The following OR11A1 variants were observed in gnomAD, a reference collection of about 807,000 sequenced individuals.
OR11A1 encodes the protein olfactory receptor family 11 subfamily A member 1.
For synonymous variants in OR11A1, 158 were observed against 152.2 expected (o/e 1.04, Z -0.28); for missense variants, 380 against 378.2 (o/e 1.00, Z -0.04).
chr6:29,443,004 A>C (rs1010205373), intron 1 of OR11A1, among the ~76,000 whole-genome samples: 2 of 152,234 alleles, frequency 1.3e-5, no homozygotes, highest in African/African-American at 4.8e-5. Flanking sequence ...ACATTGAGAA[A>C]GATTACAAGA....
At chr6:29,436,805 CA>C (rs1236314881) in intron 1 of OR11A1, among the ~76,000 whole-genome samples, 1 of 152,232 alleles carries the variant, frequency 6.6e-6, no homozygotes, top group African/African-American at 2.4e-5. Context: ...AGTGCTCTGT[CA>C]GCTGTATCTT....
At chr6:29,454,833 T>A (rs537604114) in intron 1 of OR11A1, among the ~76,000 whole-genome samples, 1 of 152,144 alleles carries the variant, frequency 6.6e-6, no homozygotes, top group Admixed American at 6.5e-5. Context: ...CAAATGGTAC[T>A]GGAGGAACCA....
intron 1 of OR11A1, among the ~76,000 whole-genome samples, chr6:29,447,651 A>T (rs1784908471): frequency 6.6e-6 from 1 of 152,238 alleles, no homozygotes; most frequent in Non-Finnish European, 1.5e-5. Context: ...TCTTTGGAGA[A>T]TCACCATTAT....
At position 29,427,646 on chromosome 6, in the gene OR11A1, A is replaced by T; in HGVS notation, c.-5T>A. ...TCCTGTGGAGACAATTTCCATGTCG[A>T]TCGTCCAAGTTTCTGCTTGGCAATA... On this transcript the variant is annotated 5_prime_UTR_variant, in exon 5 of 5. Coordinates refer to ENST00000377149, the MANE Select transcript of OR11A1 (RefSeq NM_001394828.1). The T allele has an allele frequency of 1.9e-6, 3 of 1,599,772 alleles. No homozygotes were observed. The highest frequency in any genetic ancestry group is 2.6e-6 in the Non-Finnish European group (3 of 1,172,250).
Position 29,427,103 on chromosome 6 carries a change from C to T in OR11A1, c.539G>A (p.Cys180Tyr). 1 of 1,612,838 alleles carries T rather than the reference C, an allele frequency of 6.2e-7. No individual in the cohort carries two copies. ...CAGGCCCACGAAAAGCATAAAGTCA[C>T]AGTAAAACTGGTCAATGTGGTTGGG... ...CGPNHIDQFY[C>Y]DFMLFVGLAC... Residue 180 changes from cysteine to tyrosine, a missense_variant, in exon 5 of 5, where the codon TGT becomes TAT. By Grantham distance (194) the Cys-to-Tyr change is radical. Coordinates refer to ENST00000377149, the MANE Select transcript of OR11A1 (RefSeq NM_001394828.1).
chr6:29,434,033 A>G (rs1364254832), intron 1 of OR11A1, among the ~76,000 whole-genome samples: 1 of 152,008 alleles, frequency 6.6e-6, no homozygotes, highest in Non-Finnish European at 1.5e-5. Flanking sequence ...TTTCCTTGTT[A>G]TTGATTTGTT....
At position 29,427,151 on chromosome 6, in the gene OR11A1, A is replaced by T; in HGVS notation, c.491T>A (p.Val164Glu). 1 of 1,613,104 alleles carries T rather than the reference A, an allele frequency of 6.2e-7. No homozygotes were observed. The highest frequency in any genetic ancestry group is 1.3e-5 in the African/African-American group (1 of 75,058). The change falls in exon 5 of 5, where the codon GTG becomes GAG. Residue 164 changes from valine to glutamate, a missense_variant. By Grantham distance (121) the Val-to-Glu change is moderately radical. Transcript: ENST00000377149. ...FVVDGLVVAL[V>E]AQLRFCGPNH... ...GGGGCCACAGAACCTCAGCTGGGCC[A>T]CCAGGGCCACAACCAGTCCATCTAC...
At chr6:29,452,341 G>A (rs1031764795) in intron 1 of OR11A1, among the ~76,000 whole-genome samples, 3 of 151,478 alleles carry the variant, frequency 2.0e-5, no homozygotes, top group Non-Finnish European at 4.4e-5. Flanking sequence ...AAAAATTAGG[G>A]GAAAAAAAGG....
intron 1 of OR11A1, among the ~76,000 whole-genome samples, chr6:29,445,285 G>T (rs754928310): frequency 6.6e-6 from 1 of 152,286 alleles, no homozygotes; most frequent in South Asian, 2.1e-4. Context: ...GATTACAGGC[G>T]TGAGCCACTG....
intron 3 of OR11A1, 108 bp from the exon 4 acceptor site, chr6:29,429,068 G>A: frequency 1.1e-5 from 2 of 178,702 alleles, no homozygotes; most frequent in Non-Finnish European, 2.2e-5. Context: ...TACTAACAGT[G>A]TTACTTTCTA....
At chr6:29,445,169 G>C (rs1784612283) in intron 1 of OR11A1, among the ~76,000 whole-genome samples, 1 of 152,108 alleles carries the variant, frequency 6.6e-6, no homozygotes, top group African/African-American at 2.4e-5. Context: ...ACCATGCCCA[G>C]CTAATTTATG....
chr6:29,446,334 C>T (rs1422078634), intron 1 of OR11A1, among the ~76,000 whole-genome samples: 1 of 152,154 alleles, frequency 6.6e-6, no homozygotes. Context: ...CTATCTCCCT[C>T]CTCATCACCC....
intron 1 of OR11A1, among the ~76,000 whole-genome samples, chr6:29,446,994 G>A (rs965986200): frequency 6.6e-6 from 1 of 152,180 alleles, no homozygotes; most frequent in African/African-American, 2.4e-5. Flanking sequence ...TAGGCACCCT[G>A]ATGGACCTAA....
chr6:29,455,733 G>A (rs1315734114), intron 1 of OR11A1, among the ~76,000 whole-genome samples: 4 of 151,846 alleles, frequency 2.6e-5, no homozygotes, highest in Non-Finnish European at 5.9e-5. Context: ...AAAAGTGGCC[G>A]GGTGTGGCAG....
chr6:29,433,159 C>T (rs1317739376), intron 1 of OR11A1, among the ~76,000 whole-genome samples: 1 of 152,042 alleles, frequency 6.6e-6, no homozygotes, highest in South Asian at 2.1e-4. Flanking sequence ...TTACATGAAC[C>T]ATTACCTCAC....
Position 29,426,537 on chromosome 6 carries a change from A to T in OR11A1, c.*157T>A. ...TACCCTTGAACTTAAAATAAAAGTT[A>T]AAAAATTGTTGCCCTATCATTTTCA... On this transcript the variant is annotated 3_prime_UTR_variant, in exon 5 of 5. Coordinates refer to ENST00000377149, the MANE Select transcript of OR11A1 (RefSeq NM_001394828.1). 1 of 593,818 alleles carries T rather than the reference A, an allele frequency of 1.7e-6. No homozygotes were observed. Among genetic ancestry groups the T allele is most frequent in the Non-Finnish European group, 2.9e-6 (1 of 342,290 alleles). 36.8% of individuals were successfully genotyped at this position (593,818 alleles called of 1,614,324 possible). A position where few individuals can be genotyped will look rare whatever the true frequency, so the allele number is the denominator to read the frequency against.
intron 1 of OR11A1, among the ~76,000 whole-genome samples, chr6:29,446,090 G>A (rs1362197009): frequency 6.6e-6 from 1 of 152,162 alleles, no homozygotes; most frequent in Admixed American, 6.5e-5. Flanking sequence ...CTTCAAAGAT[G>A]CCACCCATCA....
intron 1 of OR11A1, among the ~76,000 whole-genome samples, chr6:29,441,838 T>C (rs1232661717): frequency 6.6e-6 from 1 of 152,202 alleles, no homozygotes; most frequent in Non-Finnish European, 1.5e-5. Context: ...ATATGGTATT[T>C]GGTTTTCTGT....
At chr6:29,437,877 A>T (rs1783760403) in intron 1 of OR11A1, among the ~76,000 whole-genome samples, 1 of 152,358 alleles carries the variant, frequency 6.6e-6, no homozygotes, top group South Asian at 2.1e-4. Flanking sequence ...GAGAAAACAG[A>T]TTCCTGAGGA....
Sources: allele counts gnomAD v4.1 joint callset (sites outside exome capture counted in the v4.1 genomes callset), GRCh38; gene constraint gnomAD v4.1.1; transcripts MANE v1.5; gene names NCBI Gene and HGNC (gene_info 2026-07-23, HGNC 2026-07-21).